TMEM200A: variants seen among roughly 807,000 people sequenced by gnomAD.
The protein encoded by TMEM200A is two transmembrane C.
A neutral mutation model predicts 24.3 loss-of-function variants in TMEM200A; 12 were observed. The observed-to-expected ratio is 0.49, with a 90% confidence interval of 0.32 to 0.80. TMEM200A has a LOEUF of 0.80. Ranked by LOEUF, TMEM200A falls within the 30% of genes least tolerant of loss-of-function variation. TMEM200A has a pLI of 0.04. For missense variants in TMEM200A, 545 were observed against 614.4 expected, an observed-to-expected ratio of 0.89 and a Z score of 1.19; for synonymous variants, 224 against 224.4, an observed-to-expected ratio of 1.00 and a Z score of 0.02.
chr6:130,403,534 T>C (rs973547011), intron 2 of TMEM200A, among the ~76,000 whole-genome samples: 7 of 126,334 alleles, frequency 5.5e-5, no homozygotes, highest in African/African-American at 9.4e-5. Flanking sequence ...GAATTTTGAA[T>C]GAAAAATTTA....
intron 2 of TMEM200A, among the ~76,000 whole-genome samples, chr6:130,417,693 G>A (rs993354224): frequency 6.6e-6 from 1 of 152,096 alleles, no homozygotes; most frequent in Admixed American, 6.6e-5. Context: ...GCAAAACCAG[G>A]AAGTAGACAT....
chr6:130,366,155 G>C lies in TMEM200A; in HGVS notation c.-450G>C, dbSNP rs1778136949. The C allele has an allele frequency of 1.0e-6, 1 of 985,336 alleles. No homozygotes were observed. The highest frequency in any genetic ancestry group is 6.1e-5 in the Admixed American group (1 of 16,264). 61.0% of individuals were successfully genotyped at this position (985,336 alleles called of 1,614,324 possible). ...TGCGCCCGGTGCCCTCCGAGGGCAG[G>C]CGCGCCTGGACTCTGCGCCCGGATG... On this transcript the variant is annotated 5_prime_UTR_variant, in exon 1 of 3. Coordinates refer to ENST00000296978, the MANE Select transcript of TMEM200A (RefSeq NM_001258277.2). The surrounding 1 kb of genome is among the most constrained non-coding windows in gnomAD (Gnocchi z 4.4).
chr6:130,428,790 A>G (rs899348103), intron 2 of TMEM200A, among the ~76,000 whole-genome samples: 1 of 152,218 alleles, frequency 6.6e-6, no homozygotes, highest in African/African-American at 2.4e-5. Context: ...GTATTTCTAG[A>G]ACACGTGAGA....
chr6:130,412,615 C>CT (rs1779358755), intron 2 of TMEM200A, among the ~76,000 whole-genome samples: 1 of 152,194 alleles, frequency 6.6e-6, no homozygotes, highest in African/African-American at 2.4e-5. Flanking sequence ...GCTACCACCC[C>CT]TTTGAGTGAC....
At chr6:130,399,889 T>G (rs1779042267) in intron 2 of TMEM200A, among the ~76,000 whole-genome samples, 1 of 151,976 alleles carries the variant, frequency 6.6e-6, no homozygotes, top group Admixed American at 6.6e-5. Context: ...CTTATGCCTT[T>G]GCATCTTCAT....
chr6:130,407,351 G>A (rs2115149414), intron 2 of TMEM200A, among the ~76,000 whole-genome samples: 1 of 152,322 alleles, frequency 6.6e-6, no homozygotes, highest in East Asian at 1.9e-4. Flanking sequence ...TATCACACTT[G>A]CATGACAACA....
intron 2 of TMEM200A, among the ~76,000 whole-genome samples, chr6:130,406,096 A>G (rs1779205318): frequency 6.6e-6 from 1 of 152,150 alleles, no homozygotes; most frequent in Admixed American, 6.5e-5. Flanking sequence ...ATTTGTCTCC[A>G]TCAGATCCTT....
intron 2 of TMEM200A, among the ~76,000 whole-genome samples, chr6:130,398,728 A>G (rs1212630990): frequency 8.6e-5 from 13 of 151,922 alleles, no homozygotes; most frequent in Admixed American, 8.5e-4. Flanking sequence ...AATTTCTGTA[A>G]TGATTAGTGA....
chr6:130,427,364 G>A (rs189485178), intron 2 of TMEM200A, among the ~76,000 whole-genome samples: 3 of 152,218 alleles, frequency 2.0e-5, no homozygotes, highest in African/African-American at 7.2e-5. Flanking sequence ...TTTCATTTTA[G>A]TATATATTAA....
chr6:130,430,982 A>C (rs1257431023), intron 2 of TMEM200A, among the ~76,000 whole-genome samples: 1 of 152,208 alleles, frequency 6.6e-6, no homozygotes, highest in East Asian at 1.9e-4. Flanking sequence ...GTTCATTTAG[A>C]TGGTGATTCT....
intron 2 of TMEM200A, among the ~76,000 whole-genome samples, chr6:130,423,129 T>G (rs1779643549): frequency 6.6e-6 from 1 of 152,176 alleles, no homozygotes; most frequent in African/African-American, 2.4e-5. Flanking sequence ...AAAATTAAAA[T>G]TATATTTAGT....
At chr6:130,440,043 A>T (rs191113915) in intron 2 of TMEM200A, among the ~76,000 whole-genome samples, 56 of 146,822 alleles carry the variant, frequency 3.8e-4, no homozygotes, top group African/African-American at 1.0e-3. Flanking sequence ...TGTGTGTGTG[A>T]GAGAGAGAGA....
chr6:130,400,364 C>A (rs1418311980), intron 2 of TMEM200A, among the ~76,000 whole-genome samples: 1 of 152,044 alleles, frequency 6.6e-6, no homozygotes, highest in African/African-American at 2.4e-5. Context: ...ACATTCCCAC[C>A]AGCAGTGTAG....
chr6:130,398,437 A>G (rs1417111885), intron 2 of TMEM200A, among the ~76,000 whole-genome samples: 1 of 132,374 alleles, frequency 7.6e-6, no homozygotes, highest in Admixed American at 7.2e-5. Flanking sequence ...ATACCAGTGC[A>G]TGTGGGTTTT....
chr6:130,433,222 C>T (rs1779920635), intron 2 of TMEM200A, among the ~76,000 whole-genome samples: 2 of 151,432 alleles, frequency 1.3e-5, no homozygotes, highest in African/African-American at 2.4e-5. Context: ...CTGCTATCTC[C>T]ACCTCTCAGG....
At chr6:130,389,026 T>C (rs1383886303) in intron 2 of TMEM200A, among the ~76,000 whole-genome samples, 1 of 152,194 alleles carries the variant, frequency 6.6e-6, no homozygotes, top group African/African-American at 2.4e-5. Context: ...AAAGTAGCAC[T>C]ACGGTCTAGC....
At chr6:130,435,974 G>C (rs1240753785) in intron 2 of TMEM200A, among the ~76,000 whole-genome samples, 2 of 152,168 alleles carry the variant, frequency 1.3e-5, no homozygotes, top group Non-Finnish European at 2.9e-5. Flanking sequence ...GCTTTTCACA[G>C]GTAATCATTG....
rs950082997 is a variant in TMEM200A, at chr6:130,373,558, T to C, written c.-81+7034T>C. On this transcript the variant is annotated intron_variant, in intron 1 of 2. Coordinates refer to ENST00000296978, the MANE Select transcript of TMEM200A (RefSeq NM_001258277.2). ...AATATTGGATTATGTGGACATATCA[T>C]AATTTATTAACTATTCCCTTAAAAT... 9.9e-5 allele frequency among the ~76,000 whole-genome samples: 15 copies of C among 152,030 alleles called. No homozygotes were observed. In the South Asian group the frequency reaches 1.0e-3, roughly 11 times the overall value.
chr6:130,395,812 T>C (rs1778939430), intron 2 of TMEM200A, among the ~76,000 whole-genome samples: 1 of 152,208 alleles, frequency 6.6e-6, no homozygotes. Context: ...AAGCAAGTGT[T>C]ACGCTTAACA....
Sources: gnomAD v4.1 joint callset for allele counts (sites outside exome capture counted in the v4.1 genomes callset) on GRCh38, gnomAD v4.1.1 for gene constraint, Gnocchi (gnomAD v3.1) non-coding constraint, MANE v1.5 for transcripts, NCBI Gene and HGNC (gene_info 2026-07-23, HGNC 2026-07-21) for gene names.